Variants in SPINK9 observed in about 807,000 individuals in gnomAD.
SPINK9 encodes serine peptidase inhibitor Kazal type 9.
In SPINK9, 3 loss-of-function variants were observed where a neutral mutation model predicts 10.8. That is an observed-to-expected ratio of 0.28 (90% CI 0.13 to 0.72). SPINK9 has a LOEUF of 0.72. SPINK9 is among the 30% of genes least tolerant of loss of function. The pLI is 0.74. For synonymous variants in SPINK9, 30 were observed against 31.2 expected (o/e 0.96, Z 0.12); for missense variants, 101 against 103.2 (o/e 0.98, Z 0.09).
chr5:148,336,246 T>A (rs779000827), intron 1 of SPINK9, among the ~76,000 whole-genome samples, 176 bp from the exon 2 acceptor site: 3 of 152,138 alleles, frequency 2.0e-5, no homozygotes, highest in Non-Finnish European at 4.4e-5. Context: ...AGAAAAAAAA[T>A]TTAAAGATAC....
chr5:148,324,314 A>G (rs189686538), intron 2 of SPINK9, among the ~76,000 whole-genome samples: 2 of 152,260 alleles, frequency 1.3e-5, no homozygotes, highest in East Asian at 3.9e-4. Flanking sequence ...GCTCAATAGT[A>G]TGGGTTTGCA....
At chr5:148,322,054 C>T (rs1757005477) in intron 1 of SPINK9, among the ~76,000 whole-genome samples, 1 of 152,004 alleles carries the variant, frequency 6.6e-6, no homozygotes. Flanking sequence ...TCCTGTTATC[C>T]ACTGAGATTT....
upstream of SPINK9, among the ~76,000 whole-genome samples, chr5:148,331,775 C>T (rs1339316507): frequency 6.6e-6 from 1 of 152,232 alleles, no homozygotes; most frequent in East Asian, 1.9e-4. Flanking sequence ...TAAAATAAAA[C>T]TATATTTCAA....
intron 3 of SPINK9, 64 bp from the exon 4 acceptor site, chr5:148,339,603 T>C (rs535974532): frequency 7.8e-5 from 112 of 1,432,786 alleles, no homozygotes; most frequent in South Asian, 3.4e-4. Flanking sequence ...TTAGTGAAGT[T>C]TGGATGCTAA....
intron 3 of SPINK9, 104 bp downstream of exon 3, chr5:148,338,709 T>C: frequency 3.5e-6 from 3 of 852,916 alleles, no homozygotes; most frequent in South Asian, 2.1e-5. Flanking sequence ...AATCATATCA[T>C]ACTGTCTCTA....
chr5:148,339,815 G>A lies in SPINK9; in HGVS notation c.*103G>A, dbSNP rs375743187. 4 of 917,478 alleles carry A rather than the reference G, an allele frequency of 4.4e-6. No individual in the cohort carries two copies. The allele number at this position is 917,478 out of a possible 1,614,324, so 56.8% of individuals were successfully genotyped here. A position where few individuals can be genotyped will look rare whatever the true frequency, so the allele number is the denominator to read the frequency against. ...CCACATTGCCTACTCATCACCATAT[G>A]TAGATTTCTTTGTAGAATAAAGCAG... On this transcript the variant is annotated 3_prime_UTR_variant, in exon 4 of 4. Transcript: ENST00000377906.
intron 2 of SPINK9, among the ~76,000 whole-genome samples, chr5:148,338,193 G>T (rs1031898822): frequency 6.6e-6 from 1 of 152,028 alleles, no homozygotes; most frequent in African/African-American, 2.4e-5. Context: ...AATATGCCAT[G>T]TATTTTAAGA....
chr5:148,335,443 A>C (rs1339284707), upstream of SPINK9: 6 of 550,458 alleles, frequency 1.1e-5, no homozygotes, highest in Non-Finnish European at 1.9e-5. Flanking sequence ...AAGAATCCCC[A>C]TGGCTCGCAG....
At chr5:148,322,502 G>T (rs1045203822) in intron 1 of SPINK9, among the ~76,000 whole-genome samples, 5 of 152,130 alleles carry the variant, frequency 3.3e-5, no homozygotes, top group Non-Finnish European at 5.9e-5. Context: ...ATGCTTCATT[G>T]CTTATGTGGA....
intron 2 of SPINK9, among the ~76,000 whole-genome samples, chr5:148,328,831 C>A (rs1347444398): frequency 6.6e-6 from 1 of 152,152 alleles, no homozygotes; most frequent in African/African-American, 2.4e-5. Flanking sequence ...GTTGAACCAG[C>A]CTTGCATCCC....
chr5:148,322,962 A>G (rs1019011383), intron 1 of SPINK9, among the ~76,000 whole-genome samples: 1 of 152,322 alleles, frequency 6.6e-6, no homozygotes, highest in Non-Finnish European at 1.5e-5. Flanking sequence ...CAATGGATAC[A>G]TTCCCAGAAT....
At chr5:148,326,441 C>CCATGT (rs1757060222) in intron 2 of SPINK9, among the ~76,000 whole-genome samples, 1 of 152,142 alleles carries the variant, frequency 6.6e-6, no homozygotes, top group Non-Finnish European at 1.5e-5. Context: ...GTCTGCATTT[C>CCATGT]CATGTTCATT....
upstream of SPINK9, among the ~76,000 whole-genome samples, chr5:148,335,035 A>T (rs1171506230): frequency 6.6e-6 from 1 of 152,160 alleles, no homozygotes. Flanking sequence ...TTAGAAGGGA[A>T]ATAAATGTGA....
upstream of SPINK9, among the ~76,000 whole-genome samples, chr5:148,331,746 ATTAT>A (rs1258707437): frequency 1.3e-5 from 2 of 152,260 alleles, no homozygotes; most frequent in Non-Finnish European, 2.9e-5. Flanking sequence ...GTATACAATT[ATTAT>A]TTGTCAATTA....
upstream of SPINK9, among the ~76,000 whole-genome samples, chr5:148,333,806 C>T (rs1307839609): frequency 6.6e-6 from 1 of 152,152 alleles, no homozygotes; most frequent in Non-Finnish European, 1.5e-5. Context: ...TTTCTCTGTA[C>T]CTCACTTCAT....
chr5:148,332,936 C>G (rs1757169547), upstream of SPINK9, among the ~76,000 whole-genome samples: 2 of 133,746 alleles, frequency 1.5e-5, no homozygotes, highest in Admixed American at 1.4e-4. Flanking sequence ...GAAACTTATA[C>G]AGTAATTTTT....
upstream of SPINK9, among the ~76,000 whole-genome samples, chr5:148,331,574 C>G (rs1343438494): frequency 6.6e-6 from 1 of 152,110 alleles, no homozygotes; most frequent in Non-Finnish European, 1.5e-5. Flanking sequence ...AGCATGAGTA[C>G]TGTTAATAAT....
At chr5:148,333,314 A>G (rs549610085), upstream of SPINK9, among the ~76,000 whole-genome samples, 22 of 152,332 alleles carry the variant, frequency 1.4e-4, no homozygotes, top group African/African-American at 5.3e-4. Flanking sequence ...TTAGCCAAGG[A>G]GGGTTCTTGG....
At chr5:148,321,623 A>G (rs1211297922) in intron 1 of SPINK9, among the ~76,000 whole-genome samples, 1 of 152,122 alleles carries the variant, frequency 6.6e-6, no homozygotes, top group Non-Finnish European at 1.5e-5. Flanking sequence ...CTGATTTTCA[A>G]CATCAGTATG....
Sources: allele counts gnomAD v4.1 joint callset (sites outside exome capture counted in the v4.1 genomes callset), GRCh38; gene constraint gnomAD v4.1.1; transcripts MANE v1.5; gene names NCBI Gene and HGNC (gene_info 2026-07-23, HGNC 2026-07-21).